Variants in MOCS1 observed in about 807,000 individuals in gnomAD.
MOCS1 encodes the protein molybdenum cofactor biosynthesis protein 1.
MOCS1 carries 39 observed loss-of-function variants against 57.6 expected under a neutral mutation model. The ratio of observed to expected loss-of-function variants is 0.68; its 90% CI spans 0.52 to 0.88. MOCS1 has a LOEUF of 0.88. Among genes scored for constraint, MOCS1 ranks in the 40% least tolerant of loss-of-function variants. The pLI is 0.00. For missense variants in MOCS1, 795 were observed against 831.1 expected (o/e 0.96, Z 0.53); for synonymous variants, 334 against 335.7 (o/e 1.00, Z 0.05).
chr6:39,917,901 G>C (rs1482077936), intron 3 of MOCS1, among the ~76,000 whole-genome samples: 1 of 152,132 alleles, frequency 6.6e-6, no homozygotes, highest in Non-Finnish European at 1.5e-5. Flanking sequence ...TTCAGCAAAG[G>C]CATTCTTGAA....
In MOCS1 at chr6:39,925,790, C is replaced by A; in HGVS notation, c.306G>T (p.Leu102=). ...GVPLTPKANL[L]TTEEILTLAR... is the part of the protein sequence containing the mutation. ...CGAGGGTCAGGATCTCCTCTGTGGT[C>A]AGCAGGTTGGCTTTGGGGGTCAGCG... Residue 102 remains leucine (L), a synonymous_variant, in exon 3 of 11, where the codon CTG becomes CTT. Coordinates refer to ENST00000340692, the MANE Select transcript of MOCS1 (RefSeq NM_001358530.2). The A allele has an allele frequency of 6.2e-7, 1 of 1,612,842 alleles. No homozygotes were observed. Among genetic ancestry groups the A allele is most frequent in the South Asian group, 1.1e-5 (1 of 91,064 alleles).
rs1455194731 is a variant in MOCS1, at chr6:39,905,692, C to T, written c.*665G>A. The T allele has an allele frequency of 2.1e-6, 1 of 471,152 alleles. No homozygotes were observed. The highest frequency in any genetic ancestry group is 4.4e-6 in the Non-Finnish European group (1 of 227,052). The allele number at this position is 471,152 out of a possible 1,614,324, so 29.2% of individuals were successfully genotyped here. On this transcript the variant is annotated 3_prime_UTR_variant, in exon 11 of 11. Coordinates refer to ENST00000340692, the MANE Select transcript of MOCS1 (RefSeq NM_001358530.2). ...GGCAGGAGTCCTTAGGGCTATGGCCCATGTGTGCACATCCTGTTTCAGAAG... is the reference window on the plus strand; with the variant it reads ...GGCAGGAGTCCTTAGGGCTATGGCCTATGTGTGCACATCCTGTTTCAGAAG...
chr6:39,919,452 C>T (rs548751944), intron 3 of MOCS1, among the ~76,000 whole-genome samples: 1 of 152,036 alleles, frequency 6.6e-6, no homozygotes, highest in East Asian at 1.9e-4. Flanking sequence ...CGTGTCATTG[C>T]ACTCCAGCCT....
rs191519805 is a variant in MOCS1, at chr6:39,925,739, G to A, written c.357C>T (p.Ile119=). ...CTCCACCTGTGAGCCGGATCTTGTC[G>A]ATGCCTTCCTTCACAAAGAGCCGGG... ...TLARLFVKEG[I]DKIRLTGGEP... Residue 119 remains isoleucine, a synonymous_variant, in exon 3 of 11, where the codon ATC becomes ATT. Transcript: ENST00000340692. 3.8e-4 allele frequency: 617 copies of A among 1,612,788 alleles called. No individual in the cohort carries two copies. Among genetic ancestry groups the A allele is most frequent in the Non-Finnish European group, 5.0e-4 (586 of 1,179,988 alleles).
rs1464398395 is a variant in MOCS1, at chr6:39,905,137, G to A, written c.*1220C>T. ...GGAGGCAGGCAGGGGGCACCACTGAGGACTCAAAGACATCCAAGTTAGAGA... is the reference window on the plus strand; with the variant it reads ...GGAGGCAGGCAGGGGGCACCACTGAAGACTCAAAGACATCCAAGTTAGAGA... On this transcript the variant is annotated 3_prime_UTR_variant, in exon 11 of 11. Transcript: ENST00000340692. 2.2e-6 allele frequency: 1 copy of A among 454,514 alleles called. No homozygotes were observed. Among genetic ancestry groups the A allele is most frequent in the Non-Finnish European group, 4.4e-6 (1 of 226,926 alleles). 28.2% of individuals were successfully genotyped at this position (454,514 alleles called of 1,614,324 possible).
chr6:39,931,951 G>A (rs1768665546), intron 1 of MOCS1, among the ~76,000 whole-genome samples: 1 of 152,096 alleles, frequency 6.6e-6, no homozygotes, highest in Admixed American at 6.5e-5. Context: ...AGGCTGGCAG[G>A]TTGCTGTGTC....
At chr6:39,927,512 C>G in intron 1 of MOCS1, 57 bp from the exon 2 acceptor site, 2 of 1,610,612 alleles carry the variant, frequency 1.2e-6, no homozygotes, top group Non-Finnish European at 1.7e-6. Flanking sequence ...TGGGAAGAGG[C>G]ACAAGGAGAA....
In MOCS1 at chr6:39,934,458, A is replaced by T. The variant is rs936069541; in HGVS notation, c.-41T>A. On this transcript the variant is annotated 5_prime_UTR_variant, in exon 1 of 11. Coordinates refer to ENST00000340692, the MANE Select transcript of MOCS1 (RefSeq NM_001358530.2). The stretch of plus-strand genomic sequence containing the variant: ...CGGAACCGCAGCCCGCTTCGGGAGC[A>T]CACTGGCCGGGCACTCGCCCCCGGG... 3.9e-6 allele frequency: 6 copies of T among 1,553,430 alleles called. No homozygotes were observed. Among genetic ancestry groups the T allele is most frequent in the Non-Finnish European group, 5.2e-6 (6 of 1,156,740 alleles).
Position 39,904,234 on chromosome 6 carries a change from A to G in MOCS1, c.*2123T>C, listed in dbSNP as rs1156602322. The G allele has an allele frequency of 2.2e-6, 1 of 456,778 alleles. No homozygotes were observed. Among genetic ancestry groups the G allele is most frequent in the Non-Finnish European group, 4.4e-6 (1 of 226,982 alleles). 28.3% of individuals were successfully genotyped at this position (456,778 alleles called of 1,614,324 possible). On this transcript the variant is annotated 3_prime_UTR_variant, in exon 11 of 11. Transcript: ENST00000340692. ...TCAACTGTTGACAGAGGACACAAAT[A>G]CGTTGTTCCAGAGCTCAGCCTTCTC...
chr6:39,912,176 G>C, intron 8 of MOCS1, 88 bp downstream of exon 8: 1 of 1,047,868 alleles, frequency 9.5e-7, no homozygotes, highest in Non-Finnish European at 1.5e-6. Context: ...TGCCCTGCCA[G>C]CCTCCTCTCC....
At chr6:39,908,991 G>T in intron 10 of MOCS1, 64 bp downstream of exon 10, 1 of 1,432,160 alleles carries the variant, frequency 7.0e-7, no homozygotes, top group Non-Finnish European at 9.9e-7. Flanking sequence ...CTATGGCACG[G>T]CTCCCACCCC....
At position 39,928,167 on chromosome 6, in the gene MOCS1, C is replaced by CTT. The variant is rs769365209; in HGVS notation, c.124-714_124-713dup. Among the ~76,000 whole-genome samples the CTT allele has an allele frequency of 3.2e-3, 455 of 141,336 alleles. 4 individuals are homozygous for CTT. The highest frequency in any genetic ancestry group is 0.011 in the African/African-American group (436 of 38,588). The allele number at this position is 141,336 out of a possible 152,430, so 92.7% of individuals were successfully genotyped here. A position where few individuals can be genotyped will look rare whatever the true frequency, so the allele number is the denominator to read the frequency against. On this transcript the variant is annotated intron_variant, in intron 1 of 10. Transcript: ENST00000340692. ...AATCCAGGTCTTCTGATTCCAGGTT[C>CTT]TTTTTTTTTTTTTTTGAGATGGAGT...
In MOCS1 at chr6:39,907,101, G is replaced by A. The variant is rs999044515; in HGVS notation, c.1167C>T (p.Phe389=). 3 of 1,611,782 alleles carry A rather than the reference G, an allele frequency of 1.9e-6. No homozygotes were observed. In the African/African-American group the frequency reaches 4.0e-5, roughly 22 times the overall value. The change falls in exon 11 of 11, where the codon TTC becomes TTT. Residue 389 remains phenylalanine, a synonymous_variant. Coordinates refer to ENST00000340692, the MANE Select transcript of MOCS1 (RefSeq NM_001358530.2). ...PMILIELFLM[F]PNSPPANPSI... The stretch of plus-strand genomic sequence containing the variant: ...TTGGATTGGCTGGTGGGGAATTGGG[G>A]AACATCAAAAATAACTCTGCAAGGC...
chr6:39,912,444 A>C (rs1346049460), intron 7 of MOCS1, 70 bp from the exon 8 acceptor site: 35 of 1,099,964 alleles, frequency 3.2e-5, no homozygotes, highest in Admixed American at 5.1e-5. Flanking sequence ...TTCTCACTCC[A>C]TGACATCAGA....
At chr6:39,933,566 CT>C (rs1426079821) in intron 1 of MOCS1, among the ~76,000 whole-genome samples, 1 of 152,110 alleles carries the variant, frequency 6.6e-6, no homozygotes, top group Non-Finnish European at 1.5e-5. Flanking sequence ...AAAAGAGGTA[CT>C]TTTCCCCCCA....
At chr6:39,923,916 G>C (rs1427124597) in intron 3 of MOCS1, among the ~76,000 whole-genome samples, 1 of 152,228 alleles carries the variant, frequency 6.6e-6, no homozygotes, top group African/African-American at 2.4e-5. Context: ...GCTCAGCACA[G>C]TAGGAGGCAT....
Position 39,925,666 on chromosome 6 carries a change from C to A in MOCS1, c.418+12G>T, listed in dbSNP as rs533403673. On this transcript the variant is annotated intron_variant, in intron 3 of 10. Coordinates refer to ENST00000340692, the MANE Select transcript of MOCS1 (RefSeq NM_001358530.2). Reference sequence around the variant, plus strand: ...CGCTGGGAGAAGTGGCGATGACTTTCGTCCAACTCACCCACAATGTCCACC... The same window carrying A: ...CGCTGGGAGAAGTGGCGATGACTTTAGTCCAACTCACCCACAATGTCCACC... The A allele has an allele frequency of 6.2e-7, 1 of 1,612,812 alleles. No individual in the cohort carries two copies. Among genetic ancestry groups the A allele is most frequent in the East Asian group, 2.2e-5 (1 of 44,882 alleles).
At chr6:39,930,804 G>T (rs865866480) in intron 1 of MOCS1, among the ~76,000 whole-genome samples, 25 of 152,216 alleles carry the variant, frequency 1.6e-4, no homozygotes, top group African/African-American at 5.5e-4. Context: ...AGGATTTGGA[G>T]TAGGTGAGCC....
At chr6:39,913,246 G>T in intron 6 of MOCS1, 71 bp downstream of exon 6, 1 of 1,335,502 alleles carries the variant, frequency 7.5e-7, no homozygotes. Context: ...ATACCCAGTG[G>T]GTGAGCCACA....
Sources: allele counts gnomAD v4.1 joint callset (sites outside exome capture counted in the v4.1 genomes callset), GRCh38; gene constraint gnomAD v4.1.1; transcripts MANE v1.5; gene names NCBI Gene and HGNC (gene_info 2026-07-23, HGNC 2026-07-21).